Variants in CTBP2 observed in about 807,000 individuals in gnomAD.
The protein encoded by CTBP2 is C-terminal-binding protein 2.
A neutral mutation model predicts 80.3 loss-of-function variants in CTBP2; 30 were observed. The observed-to-expected ratio is 0.37, with a 90% confidence interval of 0.28 to 0.51. The LOEUF (loss-of-function observed/expected upper bound fraction) is 0.51. Ranked by LOEUF, CTBP2 falls within the 20% of genes least tolerant of loss-of-function variation. The pLI, the probability that CTBP2 is intolerant of heterozygous loss-of-function variation, is 0.93. For missense variants in CTBP2, 1,212 were observed against 1,375.3 expected (o/e 0.88, Z 1.88); for synonymous variants, 594 against 587.4 (o/e 1.01, Z -0.16).
chr10:124,988,590 A>AAT lies in CTBP2; in HGVS notation c.*927_*928insAT, dbSNP rs1952169302. On this transcript the variant is annotated 3_prime_UTR_variant, in exon 9 of 9. Transcript: ENST00000309035. ...AAGACTATGAATAGAACATGTAACT[A>AAT]GTTGATACAAATCTAATAGGATTTG... 1 of 152,704 alleles carries AAT rather than the reference A, an allele frequency of 6.5e-6. No individual in the cohort carries two copies. The highest frequency in any genetic ancestry group is 1.5e-5 in the Non-Finnish European group (1 of 68,044). The allele number at this position is 152,704 out of a possible 1,614,324, so 9.5% of individuals were successfully genotyped here. A position where few individuals can be genotyped will look rare whatever the true frequency, so the allele number is the denominator to read the frequency against.
intron 2 of CTBP2, among the ~76,000 whole-genome samples, chr10:125,108,767 G>C (rs1159486636): frequency 6.6e-6 from 1 of 152,252 alleles, no homozygotes; most frequent in East Asian, 1.9e-4. Flanking sequence ...TGTGTGCGTG[G>C]GCCGTGGACA....
At chr10:125,072,690 A>G (rs1468188095) in intron 2 of CTBP2, among the ~76,000 whole-genome samples, 1 of 151,344 alleles carries the variant, frequency 6.6e-6, no homozygotes, top group Non-Finnish European at 1.5e-5. Context: ...ACAAAGAAAC[A>G]GATGCCAATT....
At chr10:125,131,586 T>C (rs959750865) in intron 1 of CTBP2, among the ~76,000 whole-genome samples, 3 of 152,220 alleles carry the variant, frequency 2.0e-5, no homozygotes, top group Non-Finnish European at 4.4e-5. Context: ...GGGTTGGAAC[T>C]ACCCAACTCA....
chr10:125,015,701 G>A (rs1030687678), intron 1 of CTBP2, among the ~76,000 whole-genome samples: 1 of 152,236 alleles, frequency 6.6e-6, no homozygotes, highest in African/African-American at 2.4e-5. Context: ...GCTGGTGGAG[G>A]TGTTGGGTGA....
chr10:125,002,552 G>A (rs1234837267), intron 3 of CTBP2, among the ~76,000 whole-genome samples: 3 of 152,230 alleles, frequency 2.0e-5, no homozygotes, highest in African/African-American at 7.2e-5. Flanking sequence ...GGGGCCTAGA[G>A]CTGTGCACAC....
intron 1 of CTBP2, among the ~76,000 whole-genome samples, chr10:125,122,267 A>G (rs950582991): frequency 1.3e-5 from 2 of 152,266 alleles, no homozygotes; most frequent in Non-Finnish European, 2.9e-5. Flanking sequence ...ATGGATGTTC[A>G]TGAGGGTAGC....
chr10:125,091,590 C>T (rs902498586), intron 2 of CTBP2, among the ~76,000 whole-genome samples: 1 of 152,136 alleles, frequency 6.6e-6, no homozygotes, highest in Non-Finnish European at 1.5e-5. Context: ...CTGGGCAACA[C>T]AGGGAGACCC....
intron 2 of CTBP2, among the ~76,000 whole-genome samples, chr10:125,096,970 T>C (rs892913916): frequency 6.6e-6 from 1 of 152,194 alleles, no homozygotes; most frequent in Non-Finnish European, 1.5e-5. Flanking sequence ...AATGAAAAAA[T>C]AGCTCTACAT....
At chr10:124,993,160 C>G in intron 7 of CTBP2, 42 bp downstream of exon 9, 1 of 1,575,144 alleles carries the variant, frequency 6.3e-7, no homozygotes, top group Non-Finnish European at 8.7e-7. Flanking sequence ...CACTGTGGAG[C>G]TGAGGCTGCC....
chr10:125,118,234 C>T (rs879440861), intron 1 of CTBP2, among the ~76,000 whole-genome samples: 17 of 152,174 alleles, frequency 1.1e-4, no homozygotes, highest in Admixed American at 9.2e-4. Context: ...ACAGGGCCAA[C>T]GGACTTGAGA....
chr10:125,108,837 C>T (rs575060724), intron 2 of CTBP2, among the ~76,000 whole-genome samples: 1 of 152,266 alleles, frequency 6.6e-6, no homozygotes, highest in Non-Finnish European at 1.5e-5. Context: ...TCCAGTACCA[C>T]ACCAAGTCTC....
At chr10:125,161,885 C>T (rs779838180), upstream of CTBP2, among the ~76,000 whole-genome samples, 2 of 152,154 alleles carry the variant, frequency 1.3e-5, no homozygotes, top group Non-Finnish European at 2.9e-5. Flanking sequence ...GCCGTCCTGA[C>T]GTCTCAAGGT....
At chr10:125,103,633 G>A (rs1850986300) in intron 2 of CTBP2, among the ~76,000 whole-genome samples, 1 of 152,148 alleles carries the variant, frequency 6.6e-6, no homozygotes, top group African/African-American at 2.4e-5. Flanking sequence ...GCGACATGCA[G>A]AAGAGACAAA....
At position 125,102,102 on chromosome 10, in the gene CTBP2, A is replaced by T. The variant is rs186052533; in HGVS notation, c.-102+8888T>A. ...TTCAGTACTGTTTCATTGAATCCCCACAACTCTGAGATTAAGCACTACTAC... is the reference window on the plus strand; with the variant it reads ...TTCAGTACTGTTTCATTGAATCCCCTCAACTCTGAGATTAAGCACTACTAC... On this transcript the variant is annotated intron_variant, in intron 2 of 10. Coordinates refer to the CTBP2 transcript ENST00000337195. Among the ~76,000 whole-genome samples, 233 of 152,240 alleles carry T rather than the reference A, an allele frequency of 1.5e-3. 2 individuals carry two copies. The highest frequency in any genetic ancestry group is 0.014 in the Middle Eastern group (4 of 294).
At chr10:125,121,569 A>AT (rs1037801866) in intron 1 of CTBP2, among the ~76,000 whole-genome samples, 5 of 152,192 alleles carry the variant, frequency 3.3e-5, no homozygotes, top group African/African-American at 7.2e-5. Context: ...AAGGCTATGT[A>AT]TATCACAGAA....
At position 125,027,306 on chromosome 10, in the gene CTBP2, G is replaced by A; in HGVS notation, c.454C>T (p.Gln152Ter). ...TCCTGCAGGGCAGGTGACCGGCCTT[G>A]CATTGGATCCCATGACGTTCTGCTG... Residue 152 changes from glutamine to a stop codon, truncating the protein, a stop_gained, in exon 1 of 9, where the codon CAA becomes TAA. Coordinates refer to ENST00000309035, the MANE Select transcript of CTBP2 (RefSeq NM_022802.3). LOFTEE classifies it high-confidence loss of function. 6.2e-7 allele frequency: 1 copy of A among 1,613,816 alleles called. No homozygotes were observed.
intron 2 of CTBP2, among the ~76,000 whole-genome samples, chr10:125,098,761 A>G (rs1055185456): frequency 7.7e-6 from 1 of 130,364 alleles, no homozygotes; most frequent in Middle Eastern, 4.1e-3. Context: ...AGAGAGAGAG[A>G]GAGAGAGAGA....
intron 3 of CTBP2, among the ~76,000 whole-genome samples, chr10:125,034,017 C>T (rs1310209477): frequency 1.3e-5 from 2 of 152,160 alleles, no homozygotes; most frequent in Non-Finnish European, 2.9e-5. Flanking sequence ...CACTACACAT[C>T]CCTGGCCCCC....
intron 8 of CTBP2, among the ~76,000 whole-genome samples, chr10:124,991,025 T>C (rs1294682361): frequency 1.3e-5 from 2 of 152,228 alleles, no homozygotes; most frequent in African/African-American, 2.4e-5. Context: ...TCCCATGGCC[T>C]GAGATGGGAA....
Sources: gnomAD v4.1 joint callset for allele counts (sites outside exome capture counted in the v4.1 genomes callset) on GRCh38, gnomAD v4.1.1 for gene constraint, MANE v1.5 for transcripts, NCBI Gene and HGNC (gene_info 2026-07-23, HGNC 2026-07-21) for gene names.